The following CDKL2 variants were observed in gnomAD, a reference collection of about 807,000 sequenced individuals.
CDKL2 encodes cyclin-dependent kinase-like 2.
Under a neutral mutation model 63.9 loss-of-function variants are expected in CDKL2, and 64 were observed. The observed-to-expected ratio is 1.00, with a 90% CI of 0.82 to 1.23. The LOEUF is 1.23. CDKL2 is among the 50% of genes most tolerant of loss of function. CDKL2 has a pLI of 0.00. For synonymous variants in CDKL2, 211 were observed against 229.2 expected, an observed-to-expected ratio of 0.92 and a Z score of 0.72; for missense variants, 656 against 668.0, an observed-to-expected ratio of 0.98 and a Z score of 0.20.
At position 75,623,051 on chromosome 4, in the gene CDKL2, G is replaced by A. The variant is rs185474040; in HGVS notation, c.168+2770C>T. 8.1e-4 allele frequency among the ~76,000 whole-genome samples: 124 copies of A among 152,168 alleles called. 1 individual carries two copies. The highest frequency in any genetic ancestry group is 2.9e-3 in the South Asian group (14 of 4,822). On this transcript the variant is annotated intron_variant, in intron 2 of 13. Transcript: ENST00000307465. The stretch of plus-strand genomic sequence containing the variant: ...AGCACTTTGGAAGGCTGAGGAGGGC[G>A]GATTGCTTGAGCCAAGCAGCTCAAG...
chr4:75,589,077 T>C (rs921533615), intron 12 of CDKL2, among the ~76,000 whole-genome samples: 1 of 152,158 alleles, frequency 6.6e-6, no homozygotes, highest in South Asian at 2.1e-4. Flanking sequence ...GATATACAGC[T>C]CTCTCATGTG....
At chr4:75,598,301 G>T in intron 7 of CDKL2, 89 bp from the exon 8 acceptor site, 1 of 765,030 alleles carries the variant, frequency 1.3e-6, no homozygotes, top group Non-Finnish European at 1.9e-6. Flanking sequence ...TTTAAAAATT[G>T]AATGTTAAAC....
intron 3 of CDKL2, among the ~76,000 whole-genome samples, chr4:75,609,880 AG>A (rs1408514628): frequency 7.2e-5 from 11 of 152,008 alleles, no homozygotes; most frequent in Admixed American, 7.2e-4. Flanking sequence ...ACACAGGTCC[AG>A]TCTCAGACCA....
rs1730626933 is a variant in CDKL2 at position 75,630,321 on chromosome 4, G to A, written c.-309C>T. The stretch of plus-strand genomic sequence containing the variant: ...CGACCTCACTCTGTCCCCAACCATA[G>A]GCACAAAGTCTTGGGAGACAGATAC... On this transcript the variant is annotated 5_prime_UTR_variant, in exon 1 of 14. Coordinates refer to ENST00000307465, the MANE Select transcript of CDKL2 (RefSeq NM_001330724.2). 1 of 152,668 alleles carries A rather than the reference G, an allele frequency of 6.6e-6. No individual in the cohort carries two copies. Among genetic ancestry groups the A allele is most frequent in the South Asian group, 2.1e-4 (1 of 4,832 alleles). 9.5% of individuals were successfully genotyped at this position (152,668 alleles called of 1,614,324 possible).
chr4:75,626,135 CT>C, intron 1 of CDKL2, 118 bp from the exon 2 acceptor site: 1 of 654,502 alleles, frequency 1.5e-6, no homozygotes. Flanking sequence ...CATGGCTGTC[CT>C]GTATTAATTC....
intron 3 of CDKL2, among the ~76,000 whole-genome samples, chr4:75,610,294 A>G (rs935998744): frequency 1.3e-5 from 2 of 152,094 alleles, no homozygotes; most frequent in African/African-American, 4.8e-5. Flanking sequence ...GCCATAGACA[A>G]CTCAATCTTT....
intron 2 of CDKL2, among the ~76,000 whole-genome samples, chr4:75,623,262 C>T (rs1578354956): frequency 6.6e-6 from 1 of 151,904 alleles, no homozygotes; most frequent in Non-Finnish European, 1.5e-5. Context: ...CCGGGTGATA[C>T]AGCAAAACCC....
chr4:75,596,860 G>C (rs1409888392), intron 9 of CDKL2, 75 bp downstream of exon 9: 2 of 1,223,630 alleles, frequency 1.6e-6, no homozygotes, highest in African/African-American at 3.0e-5. Flanking sequence ...AAACAATGTG[G>C]ATGAATTGAC....
intron 2 of CDKL2, among the ~76,000 whole-genome samples, chr4:75,618,346 C>T (rs1336321274): frequency 7.3e-6 from 1 of 136,356 alleles, no homozygotes; most frequent in Non-Finnish European, 1.5e-5. Flanking sequence ...CCTCCGCCTG[C>T]CAGGTTCAAG....
chr4:75,597,881 A>AT (rs1729011350), intron 8 of CDKL2, among the ~76,000 whole-genome samples, 196 bp downstream of exon 8: 2 of 152,356 alleles, frequency 1.3e-5, no homozygotes, highest in Admixed American at 6.5e-5. Context: ...AGTCTGGCAC[A>AT]TAACAGGTAC....
At chr4:75,602,176 G>A (rs899786189) in intron 6 of CDKL2, among the ~76,000 whole-genome samples, 1 of 149,200 alleles carries the variant, frequency 6.7e-6, no homozygotes, top group Non-Finnish European at 1.5e-5. Flanking sequence ...TTTTTTTGTT[G>A]TTGTTGTTTG....
chr4:75,608,122 C>CTTTTT (rs34604898), intron 3 of CDKL2, among the ~76,000 whole-genome samples: 17 of 88,082 alleles, frequency 1.9e-4, no homozygotes, highest in South Asian at 4.5e-4. Context: ...GGCCAAAAAC[C>CTTTTT]TTTTTTTTTT....
intron 1 of CDKL2, among the ~76,000 whole-genome samples, chr4:75,627,216 C>T (rs1730460999): frequency 6.7e-6 from 1 of 149,140 alleles, no homozygotes; most frequent in Admixed American, 6.6e-5. Context: ...AAAAAAAAAG[C>T]ACAATTCCTT....
At chr4:75,624,124 T>TC (rs1730291531) in intron 2 of CDKL2, among the ~76,000 whole-genome samples, 1 of 81,182 alleles carries the variant, frequency 1.2e-5, no homozygotes, top group Non-Finnish European at 2.3e-5. Context: ...AGTGTGAAAC[T>TC]CCATCTCAAA....
At chr4:75,619,783 G>C (rs545051569) in intron 2 of CDKL2, among the ~76,000 whole-genome samples, 1 of 152,234 alleles carries the variant, frequency 6.6e-6, no homozygotes, top group East Asian at 1.9e-4. Context: ...TTGGAGTTGA[G>C]AGACAATAAA....
At chr4:75,602,212 G>A (rs1042931364) in intron 6 of CDKL2, among the ~76,000 whole-genome samples, 3 of 151,542 alleles carry the variant, frequency 2.0e-5, no homozygotes, top group African/African-American at 7.3e-5. Flanking sequence ...ATGGAGTCTC[G>A]CTCTGTTGCC....
intron 12 of CDKL2, among the ~76,000 whole-genome samples, chr4:75,591,597 TA>T (rs1728717530): frequency 1.3e-5 from 2 of 151,990 alleles, no homozygotes; most frequent in African/African-American, 4.8e-5. Context: ...ACCATGTCTC[TA>T]AAAAAAGAAA....
At chr4:75,600,228 A>G in intron 7 of CDKL2, 53 bp downstream of exon 7, 1 of 1,163,268 alleles carries the variant, frequency 8.6e-7, no homozygotes, top group Non-Finnish European at 1.3e-6. Flanking sequence ...ACTATTGTGG[A>G]AGACTTTAAC....
At chr4:75,617,972 G>A (rs1729999092) in intron 2 of CDKL2, among the ~76,000 whole-genome samples, 1 of 151,736 alleles carries the variant, frequency 6.6e-6, no homozygotes, top group Admixed American at 6.6e-5. Flanking sequence ...GTGGTGGCAG[G>A]TGCCTGTAGT....
Sources: allele counts gnomAD v4.1 joint callset (sites outside exome capture counted in the v4.1 genomes callset), GRCh38; gene constraint gnomAD v4.1.1; transcripts MANE v1.5; gene names NCBI Gene and HGNC (gene_info 2026-07-23, HGNC 2026-07-21).